Variants in NEBL observed in about 807,000 individuals in gnomAD.
NEBL encodes the protein nebulette, also known as LIM and SH3 protein 2.
A neutral mutation model predicts 140.2 loss-of-function variants in NEBL; 122 were observed. The observed-to-expected ratio is 0.87, with a 90% CI of 0.75 to 1.01. The LOEUF (loss-of-function observed/expected upper bound fraction) is 1.01. Among genes scored for constraint, NEBL ranks in the 50% least tolerant of loss-of-function variants. The pLI, the probability that NEBL is intolerant of heterozygous loss-of-function variation, is 0.00. For missense variants in NEBL, 1,365 were observed against 1,231.3 expected (o/e 1.11, Z -1.62); for synonymous variants, 436 against 398.9 (o/e 1.09, Z -1.11).
At chr10:21,244,865 T>C (rs1842496244) in intron 3 of NEBL, among the ~76,000 whole-genome samples, 1 of 150,288 alleles carries the variant, frequency 6.7e-6, no homozygotes, top group South Asian at 2.1e-4. Context: ...AAAGTAAAAA[T>C]TAAAAGTCAG....
At chr10:21,226,093 T>C (rs1842143326) in intron 3 of NEBL, among the ~76,000 whole-genome samples, 1 of 151,940 alleles carries the variant, frequency 6.6e-6, no homozygotes, top group East Asian at 1.9e-4. Context: ...GGCTCTTTAG[T>C]CAGCAGTTGA....
intron 2 of NEBL, among the ~76,000 whole-genome samples, chr10:21,157,114 C>A (rs1840364093): frequency 6.6e-6 from 1 of 152,118 alleles, no homozygotes; most frequent in African/African-American, 2.4e-5. Flanking sequence ...GTTATTACTC[C>A]TTGAAAATAT....
At chr10:21,006,556 C>T (rs926662934) in intron 3 of NEBL, among the ~76,000 whole-genome samples, 17 of 152,332 alleles carry the variant, frequency 1.1e-4, no homozygotes, top group Non-Finnish European at 2.4e-4. Flanking sequence ...GCCACTCCTG[C>T]TAAAGCTTGA....
chr10:21,000,206 G>T (rs942334010), intron 3 of NEBL, among the ~76,000 whole-genome samples: 3 of 103,098 alleles, frequency 2.9e-5, no homozygotes, highest in East Asian at 3.6e-4. Flanking sequence ...AATAGAGGGG[G>T]TATAGAGGGG....
chr10:21,238,416 T>TG (rs1842389316), intron 3 of NEBL, among the ~76,000 whole-genome samples: 1 of 152,010 alleles, frequency 6.6e-6, no homozygotes, highest in African/African-American at 2.4e-5. Context: ...TTAAGAAAGT[T>TG]GGGCCGGGCC....
At chr10:20,997,541 G>A (rs958735510) in intron 3 of NEBL, among the ~76,000 whole-genome samples, 2 of 131,836 alleles carry the variant, frequency 1.5e-5, no homozygotes, top group African/African-American at 2.7e-5. Flanking sequence ...TTTAGGATTC[G>A]GATTAGTAGC....
At chr10:21,228,117 T>C (rs1327613725) in intron 3 of NEBL, among the ~76,000 whole-genome samples, 1 of 152,050 alleles carries the variant, frequency 6.6e-6, no homozygotes, top group East Asian at 1.9e-4. Context: ...TTTTGGGTTT[T>C]TTTTTTCGAG....
At chr10:20,847,853 A>G (rs1331291925) in intron 11 of NEBL, among the ~76,000 whole-genome samples, 2 of 152,220 alleles carry the variant, frequency 1.3e-5, no homozygotes, top group South Asian at 2.1e-4. Flanking sequence ...TTCCATTAGA[A>G]TTAGAGACAA....
intron 4 of NEBL, among the ~76,000 whole-genome samples, chr10:20,909,878 T>C (rs939731838): frequency 1.3e-5 from 2 of 152,088 alleles, no homozygotes; most frequent in Admixed American, 1.3e-4. Flanking sequence ...GCACATATAG[T>C]GATATATCTG....
intron 3 of NEBL, among the ~76,000 whole-genome samples, chr10:20,985,182 T>C (rs1288235061): frequency 6.6e-6 from 1 of 152,164 alleles, no homozygotes; most frequent in Non-Finnish European, 1.5e-5. Flanking sequence ...CTGTGCCCCA[T>C]CCATGGAAAA....
At chr10:21,075,182 C>G (rs1305378451) in intron 2 of NEBL, among the ~76,000 whole-genome samples, 1 of 152,096 alleles carries the variant, frequency 6.6e-6, no homozygotes, top group Admixed American at 6.5e-5. Flanking sequence ...TCTTCTGAAA[C>G]AAGAATGGCA....
At chr10:20,811,905 G>A (rs1023276561) in intron 24 of NEBL, among the ~76,000 whole-genome samples, 2 of 152,064 alleles carry the variant, frequency 1.3e-5, no homozygotes, top group African/African-American at 4.8e-5. Flanking sequence ...TCCTAGCCCT[G>A]CCTTATACTT....
chr10:21,221,898 A>G (rs1045000632), intron 3 of NEBL, among the ~76,000 whole-genome samples: 4 of 152,028 alleles, frequency 2.6e-5, no homozygotes, highest in African/African-American at 7.3e-5. Context: ...CTTTTTACAT[A>G]AACACTGAGA....
chr10:20,802,064 A>G (rs371225452), intron 26 of NEBL, among the ~76,000 whole-genome samples: 1 of 152,252 alleles, frequency 6.6e-6, no homozygotes, highest in South Asian at 2.1e-4. Flanking sequence ...AGGAAAACAG[A>G]AACACATAGC....
intron 2 of NEBL, among the ~76,000 whole-genome samples, chr10:21,034,573 A>G (rs535557445): frequency 6.6e-6 from 1 of 152,364 alleles, no homozygotes; most frequent in East Asian, 1.9e-4. Flanking sequence ...CCTAACTTGT[A>G]TGACTACAAA....
At chr10:20,955,743 A>G (rs1835769631) in intron 4 of NEBL, among the ~76,000 whole-genome samples, 1 of 152,162 alleles carries the variant, frequency 6.6e-6, no homozygotes, top group Admixed American at 6.5e-5. Flanking sequence ...TTTTAGATGC[A>G]ATGAAAGGAA....
At chr10:21,015,614 G>A (rs1459465862) in intron 3 of NEBL, among the ~76,000 whole-genome samples, 1 of 152,124 alleles carries the variant, frequency 6.6e-6, no homozygotes, top group Non-Finnish European at 1.5e-5. Context: ...GGGCTCAACA[G>A]GATCCTCCTG....
chr10:21,158,968 C>T (rs1348000996), intron 2 of NEBL, among the ~76,000 whole-genome samples: 2 of 152,100 alleles, frequency 1.3e-5, no homozygotes, highest in African/African-American at 4.8e-5. Context: ...AGAATTGTCA[C>T]AAGCCATGGT....
intron 4 of NEBL, among the ~76,000 whole-genome samples, chr10:20,938,018 G>A (rs1361591141): frequency 6.6e-6 from 1 of 152,198 alleles, no homozygotes; most frequent in Admixed American, 6.5e-5. Flanking sequence ...TCGGGGCAGG[G>A]CATAGCCAAA....
Sources: allele counts gnomAD v4.1 joint callset (sites outside exome capture counted in the v4.1 genomes callset), GRCh38; gene constraint gnomAD v4.1.1; transcripts MANE v1.5; gene names NCBI Gene and HGNC (gene_info 2026-07-23, HGNC 2026-07-21).